VPS13A: variants seen among roughly 807,000 people sequenced by gnomAD.
VPS13A encodes the protein vacuolar protein sorting 13 homolog A, also known as intermembrane lipid transfer protein VPS13A.
A neutral mutation model predicts 390.9 loss-of-function variants in VPS13A; 264 were observed. The ratio of observed to expected loss-of-function variants is 0.68; its 90% confidence interval spans 0.61 to 0.75. VPS13A has a LOEUF of 0.75. VPS13A is among the 30% of genes least tolerant of loss of function. The probability of loss-of-function intolerance (pLI) is 0.00; values close to 1 mark genes in which losing one functional copy is unlikely to be tolerated. For missense variants in VPS13A, 3,409 were observed against 3,733.9 expected, an observed-to-expected ratio of 0.91 and a Z score of 2.27; for synonymous variants, 1,231 against 1,227.1, an observed-to-expected ratio of 1.00 and a Z score of -0.07.
chr9:77,302,368 C>CT (rs58598132), intron 33 of VPS13A, among the ~76,000 whole-genome samples: 7,870 of 117,234 alleles, frequency 0.067, 387 homozygotes, highest in East Asian at 0.16. Context: ...TATTTTTCCC[C>CT]TTTTTTTTTT....
intron 52 of VPS13A, among the ~76,000 whole-genome samples, chr9:77,346,405 C>A (rs1366307770): frequency 6.6e-6 from 1 of 152,016 alleles, no homozygotes; most frequent in African/African-American, 2.4e-5. Flanking sequence ...TGTTTGAGAT[C>A]CTTACAGATT....
At position 77,303,069 on chromosome 9, in the gene VPS13A, T is replaced by A; in HGVS notation, c.3960+7T>A. 6.2e-7 allele frequency: 1 copy of A among 1,613,876 alleles called. No individual in the cohort carries two copies. The highest frequency in any genetic ancestry group is 8.5e-7 in the Non-Finnish European group (1 of 1,179,900). ...TCAGCTGAAACCAATGGAGGTAACT[T>A]TTTTTGGATACTTATCAATTTTTGT... On this transcript the variant is annotated splice_region_variant and intron_variant, in intron 34 of 71. Transcript: ENST00000360280.
intron 22 of VPS13A, among the ~76,000 whole-genome samples, chr9:77,254,236 C>T (rs1259553766): frequency 2.0e-5 from 3 of 152,162 alleles, no homozygotes; most frequent in Non-Finnish European, 2.9e-5. Flanking sequence ...AGCCACTGCT[C>T]CCGGCCTTAT....
Position 77,282,160 on chromosome 9 carries a change from G to A in VPS13A, c.3004G>A (p.Ala1002Thr). 6.2e-7 allele frequency: 1 copy of A among 1,613,454 alleles called. No individual in the cohort carries two copies. The highest frequency in any genetic ancestry group is 1.7e-4 in the Middle Eastern group (1 of 6,028). Residue 1002 changes from alanine to threonine, a missense_variant, in exon 29 of 72, where the codon GCA (alanine) becomes ACA (threonine). Around this residue, in one of 5 missense-constraint regions of VPS13A, gnomAD observed 2,717 missense variants for 2,917.4 expected, o/e 0.93. Coordinates refer to ENST00000360280, the MANE Select transcript of VPS13A (RefSeq NM_033305.3). ...SSLDIHLHTEALLNTINYLHN... is the reference protein window; with the variant it reads ...SSLDIHLHTETLLNTINYLHN... ...TTTGGATATTCATTTACACACTGAA[G>A]CACTTCTGAATACAATAAATTATCT...
chr9:77,326,760 A>T (rs1830036604), intron 45 of VPS13A, among the ~76,000 whole-genome samples: 1 of 152,012 alleles, frequency 6.6e-6, no homozygotes, highest in South Asian at 2.1e-4. Context: ...AATGTACCTG[A>T]TAATTTTTTA....
chr9:77,199,248 G>A (rs11145328), intron 1 of VPS13A, among the ~76,000 whole-genome samples: 82,037 of 151,848 alleles, frequency 0.54, 22,428 homozygotes, highest in East Asian at 0.68. Context: ...GTGTTGCCCA[G>A]GCTGGACTTC....
intron 23 of VPS13A, among the ~76,000 whole-genome samples, chr9:77,265,343 A>G (rs918800704): frequency 1.7e-4 from 26 of 152,088 alleles, no homozygotes; most frequent in African/African-American, 4.6e-4. Flanking sequence ...CTCTTTTTCT[A>G]TTGTTTGGGA....
intron 34 of VPS13A, 76 bp from the exon 35 acceptor site, chr9:77,307,869 C>T (rs539761198): frequency 1.1e-5 from 13 of 1,223,378 alleles, no homozygotes; most frequent in African/African-American, 1.5e-5. Flanking sequence ...TTTTTCTCCT[C>T]TGAGAATTTT....
chr9:77,261,690 T>G (rs982331311), intron 23 of VPS13A, among the ~76,000 whole-genome samples: 16 of 152,024 alleles, frequency 1.1e-4, no homozygotes, highest in African/African-American at 3.9e-4. Context: ...GTTCAAGCGG[T>G]TGTCCCATCT....
rs1587483666 is a variant in VPS13A at position 77,280,235 on chromosome 9, A to G, written c.2901A>G (p.Val967=). The change falls in exon 27 of 72, where the codon GTA becomes GTG. Residue 967 remains valine (V), a synonymous_variant. Transcript: ENST00000360280. ...AAGACCTGTTAACGCTGGAATATGT[A>G]AAGGTAAGCAGTTTCATTTATATCT... ...TMEDLLTLEY[V]KAEKNVPDLK... 6.2e-7 allele frequency: 1 copy of G among 1,611,468 alleles called. No homozygotes were observed. Among genetic ancestry groups the G allele is most frequent in the Non-Finnish European group, 8.5e-7 (1 of 1,178,038 alleles).
chr9:77,199,409 G>A (rs980568063), intron 1 of VPS13A, among the ~76,000 whole-genome samples: 1 of 152,108 alleles, frequency 6.6e-6, no homozygotes, highest in African/African-American at 2.4e-5. Flanking sequence ...TGTTATAGCA[G>A]TGTATTTTAA....
chr9:77,350,808 C>G, intron 52 of VPS13A: 1 of 168,108 alleles, frequency 5.9e-6, no homozygotes, highest in Non-Finnish European at 1.3e-5. Context: ...CTCAGAAGAG[C>G]TATATTTTAT....
In VPS13A at chr9:77,317,668, C is replaced by T. The variant is rs199860034; in HGVS notation, c.4926C>T (p.Ile1642=). 6.9e-6 allele frequency: 11 copies of T among 1,597,346 alleles called. No homozygotes were observed. In the East Asian group the frequency reaches 1.1e-4, roughly 16 times the overall value. The change falls in exon 40 of 72, where the codon ATC becomes ATT. Residue 1642 remains isoleucine, a synonymous_variant. Transcript: ENST00000360280. ...AGAAAGGTACAGATCCACAAGTGAT[C>T]GATATGTCAGTAAAATCCCTGACAC... The part of the protein sequence containing the change: ...TTQKGTDPQV[I]DMSVKSLTLK...
At chr9:77,260,981 C>A (rs945342233) in intron 23 of VPS13A, among the ~76,000 whole-genome samples, 2 of 151,820 alleles carry the variant, frequency 1.3e-5, no homozygotes, top group African/African-American at 4.8e-5. Flanking sequence ...TCACTGCAAC[C>A]TCTGTCTCTT....
intron 45 of VPS13A, among the ~76,000 whole-genome samples, chr9:77,329,912 A>G (rs1830198721): frequency 6.6e-6 from 1 of 152,304 alleles, no homozygotes; most frequent in East Asian, 1.9e-4. Flanking sequence ...TCAGTTTAAC[A>G]TCTATGTTCA....
chr9:77,393,442 A>G (rs911664575), intron 68 of VPS13A, among the ~76,000 whole-genome samples: 3 of 152,220 alleles, frequency 2.0e-5, no homozygotes, highest in African/African-American at 7.2e-5. Flanking sequence ...GGCATCTAGA[A>G]TAGTGAATCC....
chr9:77,237,957 A>G, intron 17 of VPS13A, 45 bp from the exon 18 acceptor site: 1 of 1,437,452 alleles, frequency 7.0e-7, no homozygotes, highest in Non-Finnish European at 9.7e-7. Flanking sequence ...AAAATCCTTC[A>G]CAATTTTACT....
intron 1 of VPS13A, among the ~76,000 whole-genome samples, chr9:77,198,267 C>T (rs1311987663): frequency 6.6e-6 from 1 of 152,050 alleles, no homozygotes; most frequent in African/African-American, 2.4e-5. Flanking sequence ...TCCTCCAGAA[C>T]CATCTGCCTC....
intron 67 of VPS13A, among the ~76,000 whole-genome samples, chr9:77,379,864 T>C (rs1833333200): frequency 6.6e-6 from 1 of 152,222 alleles, no homozygotes; most frequent in African/African-American, 2.4e-5. Flanking sequence ...CTGTTGGGTC[T>C]AGTGGATTAT....
Sources: allele counts gnomAD v4.1 joint callset (sites outside exome capture counted in the v4.1 genomes callset), GRCh38; gene constraint gnomAD v4.1.1; regional missense constraint gnomAD v4.1.1; transcripts MANE v1.5; gene names NCBI Gene and HGNC (gene_info 2026-07-23, HGNC 2026-07-21).